KREMEN1: variants seen among roughly 807,000 people sequenced by gnomAD.
KREMEN1 encodes kremen protein 1.
Under a neutral mutation model 46.5 loss-of-function variants are expected in KREMEN1, and 30 were observed. That is an observed-to-expected ratio of 0.65 (90% CI 0.48 to 0.88). KREMEN1 has a LOEUF of 0.88. Ranked by LOEUF, KREMEN1 falls within the 40% of genes least tolerant of loss-of-function variation. The pLI, the probability that KREMEN1 is intolerant of heterozygous loss-of-function variation, is 0.00. For synonymous variants in KREMEN1, 214 were observed against 230.6 expected, an observed-to-expected ratio of 0.93 and a Z score of 0.65; for missense variants, 533 against 596.9, an observed-to-expected ratio of 0.89 and a Z score of 1.11.
At chr22:29,165,629 AAG>A (rs2039046759) in intron 9 of KREMEN1, among the ~76,000 whole-genome samples, 1 of 152,164 alleles carries the variant, frequency 6.6e-6, no homozygotes, top group African/African-American at 2.4e-5. Context: ...CCCTACTCAA[AAG>A]AGGGAATTTT....
At chr22:29,131,560 A>ATATATATGTGTGTGTG (rs1240832937) in intron 5 of KREMEN1, among the ~76,000 whole-genome samples, 4 of 69,940 alleles carry the variant, frequency 5.7e-5, no homozygotes, top group African/African-American at 3.3e-4. Context: ...ATATATATAT[A>ATATATATGTGTGTGTG]TGTGTGTGTG....
At chr22:29,162,614 A>G (rs1282338785) in intron 9 of KREMEN1, among the ~76,000 whole-genome samples, 1 of 152,158 alleles carries the variant, frequency 6.6e-6, no homozygotes, top group African/African-American at 2.4e-5. Flanking sequence ...GCTACTCGGG[A>G]GGCAGGAGAA....
At chr22:29,122,738 G>A (rs2038374683) in intron 4 of KREMEN1, among the ~76,000 whole-genome samples, 1 of 152,032 alleles carries the variant, frequency 6.6e-6, no homozygotes, top group African/African-American at 2.4e-5. Context: ...AGGAGTTGGA[G>A]ACCAGCCTGA....
chr22:29,121,705 G>T (rs1355145860), intron 4 of KREMEN1, among the ~76,000 whole-genome samples: 3 of 152,174 alleles, frequency 2.0e-5, no homozygotes, highest in Non-Finnish European at 4.4e-5. Flanking sequence ...GGTACTAACT[G>T]CTAATCAACA....
Position 29,125,454 on chromosome 22 carries a change from G to T in KREMEN1, c.631+38G>T, listed in dbSNP as rs545471835. 133 of 1,607,184 alleles carry T rather than the reference G, an allele frequency of 8.3e-5. 3 individuals carry two copies. In the South Asian group the frequency reaches 1.2e-3, roughly 15 times the overall value. ...TGTGCCCATCACTGCCCAAGGCACA[G>T]GAACCCTTGGACCAGAGCAACAAGC... On this transcript the variant is annotated intron_variant, in intron 5 of 8. Coordinates refer to ENST00000400335, the MANE Select transcript of KREMEN1 (RefSeq NM_001039570.3).
chr22:29,115,815 G>A (rs1391570643), intron 3 of KREMEN1, among the ~76,000 whole-genome samples: 1 of 152,214 alleles, frequency 6.6e-6, no homozygotes, highest in East Asian at 1.9e-4. Context: ...TCTAAGCACA[G>A]GGAATAGCAT....
At chr22:29,127,715 CCAG>C (rs1437583514) in intron 5 of KREMEN1, among the ~76,000 whole-genome samples, 2 of 151,936 alleles carry the variant, frequency 1.3e-5, no homozygotes, top group African/African-American at 2.4e-5. Context: ...ACTGTATGAC[CCAG>C]CAATTCCATT....
intron 3 of KREMEN1, among the ~76,000 whole-genome samples, chr22:29,104,435 C>T (rs1041113160): frequency 4.6e-5 from 7 of 152,026 alleles, no homozygotes; most frequent in African/African-American, 1.7e-4. Flanking sequence ...GGATTGCAGG[C>T]ATAAGCCACC....
At chr22:29,134,154 A>G (rs1406524959) in intron 5 of KREMEN1, 1 of 144,318 alleles carries the variant, frequency 6.9e-6, no homozygotes, top group East Asian at 1.9e-4. Context: ...TTTGATTTCC[A>G]GTAGATTTTT....
At position 29,143,446 on chromosome 22, in the gene KREMEN1, A is replaced by G; in HGVS notation, c.*1334A>G. On this transcript the variant is annotated 3_prime_UTR_variant, in exon 9 of 9. Transcript: ENST00000400335. ...TCTGGTGTCCCCCGTGTTAAAAGATAAAAAACACCCCAAGGGCCGGGCGCG... is the reference window on the plus strand; with the variant it reads ...TCTGGTGTCCCCCGTGTTAAAAGATGAAAAACACCCCAAGGGCCGGGCGCG... 1.0e-6 allele frequency: 1 copy of G among 985,438 alleles called. No homozygotes were observed. Among genetic ancestry groups the G allele is most frequent in the Non-Finnish European group, 1.2e-6 (1 of 830,004 alleles). The allele number at this position is 985,438 out of a possible 1,614,324, so 61.0% of individuals were successfully genotyped here.
intron 3 of KREMEN1, among the ~76,000 whole-genome samples, chr22:29,102,861 G>T (rs940046136): frequency 1.3e-5 from 2 of 152,172 alleles, no homozygotes; most frequent in African/African-American, 4.8e-5. Flanking sequence ...GAGCTCTATA[G>T]TACCTGGTTT....
At chr22:29,120,230 G>A (rs111165150) in intron 3 of KREMEN1, among the ~76,000 whole-genome samples, 275 of 62,966 alleles carry the variant, frequency 4.4e-3, no homozygotes, top group Middle Eastern at 0.014. Flanking sequence ...AAATGGAGGA[G>A]GGAGAGGTGA....
chr22:29,095,270 G>T (rs2037867340), intron 2 of KREMEN1, among the ~76,000 whole-genome samples: 1 of 152,086 alleles, frequency 6.6e-6, no homozygotes, highest in Non-Finnish European at 1.5e-5. Context: ...TTCACCTCCC[G>T]TCTGACTCTA....
At chr22:29,166,953 C>A in intron 9 of KREMEN1, 2 of 1,051,326 alleles carry the variant, frequency 1.9e-6, no homozygotes, top group East Asian at 5.2e-5. Context: ...CAAAAGAGAC[C>A]AAAATCAGTC....
chr22:29,089,506 ACTAC>A (rs1264395303), intron 1 of KREMEN1, among the ~76,000 whole-genome samples: 5 of 152,128 alleles, frequency 3.3e-5, no homozygotes, highest in African/African-American at 4.8e-5. Flanking sequence ...TTCTACAGTA[ACTAC>A]CTACTTTTCT....
downstream of KREMEN1, among the ~76,000 whole-genome samples, chr22:29,149,287 C>T (rs936215194): frequency 7.9e-5 from 12 of 152,040 alleles, no homozygotes; most frequent in African/African-American, 9.7e-5. Context: ...CTCAGCCTCC[C>T]GAGTAGCTGG....
At chr22:29,085,212 A>T (rs1172739688) in intron 1 of KREMEN1, among the ~76,000 whole-genome samples, 1 of 152,190 alleles carries the variant, frequency 6.6e-6, no homozygotes, top group Admixed American at 6.5e-5. Context: ...TCTTTGAAAA[A>T]TTTTTTATTA....
chr22:29,108,815 G>A (rs2145789288), intron 3 of KREMEN1, among the ~76,000 whole-genome samples: 1 of 152,240 alleles, frequency 6.6e-6, no homozygotes, highest in South Asian at 2.1e-4. Context: ...TTTGTGACAG[G>A]GTCTTGCTCT....
Position 29,073,484 on chromosome 22 carries a change from A to G in KREMEN1, c.97+257A>G, listed in dbSNP as rs1277170649. Among the ~76,000 whole-genome samples, 1 of 151,480 alleles carries G rather than the reference A, an allele frequency of 6.6e-6. No individual in the cohort carries two copies. Among genetic ancestry groups the G allele is most frequent in the Non-Finnish European group, 1.5e-5 (1 of 67,818 alleles). ...CCGGTGCTCCTCAGCGACGCCCCTCAGCCCAGGAGGCCCTCTCCGCCTTGA... is the reference window on the plus strand; with the variant it reads ...CCGGTGCTCCTCAGCGACGCCCCTCGGCCCAGGAGGCCCTCTCCGCCTTGA... On this transcript the variant is annotated intron_variant, in intron 1 of 8. Coordinates refer to ENST00000400335, the MANE Select transcript of KREMEN1 (RefSeq NM_001039570.3). The surrounding 1 kb of genome is among the most constrained non-coding windows in gnomAD (Gnocchi z 4.4).
Sources: gnomAD v4.1 joint callset for allele counts (sites outside exome capture counted in the v4.1 genomes callset) on GRCh38, gnomAD v4.1.1 for gene constraint, Gnocchi (gnomAD v3.1) non-coding constraint, MANE v1.5 for transcripts, NCBI Gene and HGNC (gene_info 2026-07-23, HGNC 2026-07-21) for gene names.